The following KCNMB2 variants were observed in gnomAD, a reference collection of about 807,000 sequenced individuals.
KCNMB2 encodes the protein calcium-activated potassium channel subunit beta-2.
Under a neutral mutation model 24.5 loss-of-function variants are expected in KCNMB2, and 9 were observed. That is an observed-to-expected ratio of 0.37 (90% CI 0.22 to 0.64). KCNMB2 has a LOEUF of 0.64. KCNMB2 is among the 30% of genes least tolerant of loss of function. KCNMB2 has a pLI of 0.63. For missense variants in KCNMB2, 226 were observed against 284.3 expected (o/e 0.79, Z 1.47); for synonymous variants, 109 against 104.4 (o/e 1.04, Z -0.27).
At chr3:178,620,275 T>C (rs1369352640) in intron 1 of KCNMB2, among the ~76,000 whole-genome samples, 1 of 152,112 alleles carries the variant, frequency 6.6e-6, no homozygotes, top group East Asian at 1.9e-4. Flanking sequence ...AAAATGCTAA[T>C]AGCTGGATAA....
At chr3:178,840,664 T>C (rs1715395074) in intron 4 of KCNMB2, among the ~76,000 whole-genome samples, 1 of 152,222 alleles carries the variant, frequency 6.6e-6, no homozygotes, top group African/African-American at 2.4e-5. Flanking sequence ...TTGCACCCTC[T>C]GAAGCAATGG....
At chr3:178,610,745 C>T (rs1377753135) in intron 1 of KCNMB2, among the ~76,000 whole-genome samples, 1 of 152,188 alleles carries the variant, frequency 6.6e-6, no homozygotes, top group Non-Finnish European at 1.5e-5. Flanking sequence ...ATATCTTTCT[C>T]TTGTCTGACT....
chr3:178,583,869 T>C (rs144863165), intron 1 of KCNMB2, among the ~76,000 whole-genome samples: 3 of 152,302 alleles, frequency 2.0e-5, no homozygotes, highest in East Asian at 3.9e-4. Flanking sequence ...CTGCACTCCA[T>C]AGTGTTATAA....
intron 1 of KCNMB2, among the ~76,000 whole-genome samples, chr3:178,644,967 T>TG (rs1393221857): frequency 6.6e-6 from 1 of 152,056 alleles, no homozygotes; most frequent in Non-Finnish European, 1.5e-5. Flanking sequence ...CCTTAGCACC[T>TG]AAGACATAGG....
At chr3:178,614,261 A>G (rs1482089662) in intron 1 of KCNMB2, among the ~76,000 whole-genome samples, 1 of 39,222 alleles carries the variant, frequency 2.5e-5, no homozygotes, top group East Asian at 8.0e-4. Context: ...ATATATATAT[A>G]TATATATATA....
intron 1 of KCNMB2, among the ~76,000 whole-genome samples, chr3:178,754,177 T>TATATATATACACAC (rs1435109631): frequency 2.6e-5 from 3 of 117,228 alleles, no homozygotes; most frequent in African/African-American, 1.1e-4. Flanking sequence ...TATATATATA[T>TATATATATACACAC]ACACACACAC....
intron 2 of KCNMB2, among the ~76,000 whole-genome samples, chr3:178,820,164 G>A (rs951051619): frequency 2.6e-5 from 4 of 152,126 alleles, no homozygotes; most frequent in African/African-American, 9.7e-5. Context: ...TGTAAGTGTC[G>A]TAAAGTTGGC....
At chr3:178,664,908 A>G (rs1720666269) in intron 1 of KCNMB2, among the ~76,000 whole-genome samples, 1 of 152,124 alleles carries the variant, frequency 6.6e-6, no homozygotes, top group Non-Finnish European at 1.5e-5. Context: ...ATCTATACAA[A>G]AGAACAAAGG....
At chr3:178,657,549 C>G (rs1378471012) in intron 1 of KCNMB2, among the ~76,000 whole-genome samples, 1 of 152,198 alleles carries the variant, frequency 6.6e-6, no homozygotes, top group Admixed American at 6.5e-5. Flanking sequence ...GCAAGCTTAC[C>G]ATCAATGGAT....
chr3:178,793,634 G>T (rs1265310046), intron 1 of KCNMB2, among the ~76,000 whole-genome samples: 4 of 152,108 alleles, frequency 2.6e-5, no homozygotes, highest in Non-Finnish European at 4.4e-5. Flanking sequence ...TGAAATGGAG[G>T]TTCCTACAGC....
intron 1 of KCNMB2, among the ~76,000 whole-genome samples, chr3:178,667,797 C>G (rs1720770392): frequency 6.6e-6 from 1 of 152,140 alleles, no homozygotes; most frequent in Non-Finnish European, 1.5e-5. Context: ...ATCCAGGACT[C>G]TGCCCCCTAA....
intron 1 of KCNMB2, among the ~76,000 whole-genome samples, chr3:178,555,754 C>G (rs1483628025): frequency 2.6e-5 from 4 of 152,162 alleles, no homozygotes; most frequent in Admixed American, 6.5e-5. Context: ...GAAAGCATAT[C>G]ATCTCTGACA....
chr3:178,685,828 T>C (rs1721449113), intron 1 of KCNMB2, among the ~76,000 whole-genome samples: 2 of 152,192 alleles, frequency 1.3e-5, no homozygotes, highest in South Asian at 4.1e-4. Flanking sequence ...AAATATTTAA[T>C]AGTTCAGTTA....
Position 178,542,039 on chromosome 3 carries a change from C to A in KCNMB2, c.-68+5328C>A, listed in dbSNP as rs184654545. On this transcript the variant is annotated intron_variant, in intron 1 of 4. Coordinates refer to ENST00000452583, the MANE Select transcript of KCNMB2 (RefSeq NM_181361.3). Reference sequence around the variant, plus strand: ...AGTCTAACCCCACCCAATAGGGGAACAACACAGCAGCAGGGGCCACGTGTG... The same window carrying A: ...AGTCTAACCCCACCCAATAGGGGAAAAACACAGCAGCAGGGGCCACGTGTG... Among the ~76,000 whole-genome samples the A allele has an allele frequency of 1.1e-3, 163 of 152,250 alleles. 1 individual carries two copies. Among genetic ancestry groups the A allele is most frequent in the African/African-American group, 3.7e-3 (154 of 41,560 alleles).
chr3:178,548,792 T>C (rs1304266228), intron 1 of KCNMB2, among the ~76,000 whole-genome samples: 1 of 152,226 alleles, frequency 6.6e-6, no homozygotes, highest in Admixed American at 6.5e-5. Flanking sequence ...CATAATTATA[T>C]GTATAAATAA....
At chr3:178,584,059 A>T (rs1341626472) in intron 1 of KCNMB2, among the ~76,000 whole-genome samples, 1 of 152,236 alleles carries the variant, frequency 6.6e-6, no homozygotes, top group African/African-American at 2.4e-5. Context: ...CTCCAAGGGC[A>T]CTGGCAAAGG....
intron 1 of KCNMB2, among the ~76,000 whole-genome samples, chr3:178,574,102 C>T (rs556933152): frequency 7.2e-5 from 11 of 152,112 alleles, no homozygotes; most frequent in East Asian, 1.9e-4. Context: ...ACTCTAAATT[C>T]GACACCAAGA....
At chr3:178,628,592 G>T (rs1457685110) in intron 1 of KCNMB2, among the ~76,000 whole-genome samples, 3 of 152,104 alleles carry the variant, frequency 2.0e-5, no homozygotes, top group Non-Finnish European at 4.4e-5. Context: ...TAAGTATCCA[G>T]CTCCGGGTGT....
Position 178,843,832 on chromosome 3 carries a change from A to C in KCNMB2, c.*895A>C, listed in dbSNP as rs960738429. The C allele has an allele frequency of 1.3e-5, 2 of 152,168 alleles. No individual in the cohort carries two copies. Among genetic ancestry groups the C allele is most frequent in the Non-Finnish European group, 2.9e-5 (2 of 68,040 alleles). The allele number at this position is 152,168 out of a possible 1,614,324, so 9.4% of individuals were successfully genotyped here. On this transcript the variant is annotated 3_prime_UTR_variant, in exon 5 of 5. Coordinates refer to ENST00000452583, the MANE Select transcript of KCNMB2 (RefSeq NM_181361.3). ...TTGGTGGACTGGTTTCAATGGGTAA[A>C]TGTGTTGTGGCAAATTAATGTGTTG...
Sources: allele counts gnomAD v4.1 joint callset (sites outside exome capture counted in the v4.1 genomes callset), GRCh38; gene constraint gnomAD v4.1.1; transcripts MANE v1.5; gene names NCBI Gene and HGNC (gene_info 2026-07-23, HGNC 2026-07-21).